GSE1: variants seen among roughly 807,000 people sequenced by gnomAD.
GSE1 encodes genetic suppressor element 1.
GSE1 carries 32 observed loss-of-function variants against 112.6 expected under a neutral mutation model. The observed-to-expected ratio is 0.28, with a 90% confidence interval of 0.21 to 0.38. GSE1 has a LOEUF of 0.38. GSE1 is among the 10% of genes least tolerant of loss of function. GSE1 has a pLI of 1.00. For synonymous variants in GSE1, 1,115 were observed against 735.6 expected (o/e 1.52, Z -8.35); for missense variants, 2,348 against 1,699.2 (o/e 1.38, Z -6.71).
intron 2 of GSE1, among the ~76,000 whole-genome samples, chr16:85,460,775 C>T (rs1407655332): frequency 9.3e-5 from 14 of 150,676 alleles, no homozygotes; most frequent in African/African-American, 3.2e-4. Flanking sequence ...GGCCAAAGAA[C>T]GTCCCATAAC....
At chr16:85,659,120 G>T (rs116237630) in intron 8 of GSE1, among the ~76,000 whole-genome samples, 1,887 of 152,292 alleles carry the variant, frequency 0.012, 42 homozygotes, top group African/African-American at 0.044. Context: ...GCTTCTTCCT[G>T]TGGTTCCCTG....
At chr16:85,309,539 A>G (rs2045774281) in intron 1 of GSE1, among the ~76,000 whole-genome samples, 1 of 151,660 alleles carries the variant, frequency 6.6e-6, no homozygotes, top group South Asian at 2.1e-4. Flanking sequence ...ACCGGGTGAG[A>G]TTAATTTTGA....
chr16:85,251,119 G>A (rs1906427189), intron 1 of GSE1, among the ~76,000 whole-genome samples: 1 of 152,216 alleles, frequency 6.6e-6, no homozygotes, highest in South Asian at 2.1e-4. Flanking sequence ...CCGGCTGTGA[G>A]CATGCCTGTG....
intron 2 of GSE1, among the ~76,000 whole-genome samples, chr16:85,386,602 G>T (rs1308277163): frequency 6.6e-6 from 1 of 152,204 alleles, no homozygotes; most frequent in Non-Finnish European, 1.5e-5. Flanking sequence ...TGTGTCGGCT[G>T]TGTGGCCTGG....
At chr16:85,332,949 G>A (rs1191233795) in intron 1 of GSE1, among the ~76,000 whole-genome samples, 1 of 152,042 alleles carries the variant, frequency 6.6e-6, no homozygotes, top group Non-Finnish European at 1.5e-5. Context: ...GTCTACACCA[G>A]CTTCTCAGAC....
chr16:85,301,711 C>T (rs2045531932), intron 1 of GSE1, among the ~76,000 whole-genome samples: 1 of 152,188 alleles, frequency 6.6e-6, no homozygotes, highest in Non-Finnish European at 1.5e-5. Flanking sequence ...ACCCTGTCTC[C>T]CTGGGTCCCC....
At chr16:85,253,674 C>T (rs1906757855) in intron 1 of GSE1, among the ~76,000 whole-genome samples, 1 of 152,232 alleles carries the variant, frequency 6.6e-6, no homozygotes, top group Non-Finnish European at 1.5e-5. Flanking sequence ...CGCCCAGCCT[C>T]CTTCCTGGAA....
At chr16:85,587,007 GC>G (rs2046730435) in intron 1 of GSE1, among the ~76,000 whole-genome samples, 1 of 152,198 alleles carries the variant, frequency 6.6e-6, no homozygotes. Context: ...GCTGTTCCTT[GC>G]TAGGCTCGCA....
intron 2 of GSE1, among the ~76,000 whole-genome samples, chr16:85,539,056 C>A (rs9933468): frequency 6.6e-6 from 1 of 152,096 alleles, no homozygotes; most frequent in Admixed American, 6.5e-5. Context: ...CGGGGCATGG[C>A]TCACCTTCCC....
intron 1 of GSE1, among the ~76,000 whole-genome samples, chr16:85,572,511 C>T (rs1030755062): frequency 2.6e-5 from 4 of 151,702 alleles, no homozygotes; most frequent in African/African-American, 9.7e-5. Flanking sequence ...ACCACACACA[C>T]CACACACACA....
chr16:85,427,811 G>A (rs1306924692), intron 2 of GSE1, among the ~76,000 whole-genome samples: 2 of 152,232 alleles, frequency 1.3e-5, no homozygotes, highest in Non-Finnish European at 2.9e-5. Flanking sequence ...CAGCCTGGGC[G>A]ACAGAGCAAG....
intron 2 of GSE1, among the ~76,000 whole-genome samples, chr16:85,403,436 C>G (rs1376215026): frequency 6.6e-6 from 1 of 152,040 alleles, no homozygotes; most frequent in East Asian, 1.9e-4. Context: ...GAATGAGGGT[C>G]TCTTGGTTGG....
At chr16:85,227,714 G>A (rs1204983753) in intron 1 of GSE1, among the ~76,000 whole-genome samples, 1 of 152,194 alleles carries the variant, frequency 6.6e-6, no homozygotes, top group East Asian at 1.9e-4. Flanking sequence ...ATTCATTTCA[G>A]GGCAGCCGCA....
chr16:85,550,103 G>A (rs1479732857), intron 2 of GSE1, among the ~76,000 whole-genome samples: 1 of 152,218 alleles, frequency 6.6e-6, no homozygotes, highest in Non-Finnish European at 1.5e-5. Flanking sequence ...GAGTGCAGGG[G>A]TGATTCGCCT....
chr16:85,673,194 C>A lies in GSE1; in HGVS notation c.*655C>A, dbSNP rs992875007. 2 of 152,460 alleles carry A rather than the reference C, an allele frequency of 1.3e-5. No homozygotes were observed. The highest frequency in any genetic ancestry group is 4.8e-5 in the African/African-American group (2 of 41,396). 9.4% of individuals were successfully genotyped at this position (152,460 alleles called of 1,614,324 possible). A position where few individuals can be genotyped will look rare whatever the true frequency, so the allele number is the denominator to read the frequency against. On this transcript the variant is annotated 3_prime_UTR_variant, in exon 16 of 16. Transcript: ENST00000253458. ...AAACTGAAGGTAGCTTTTTATTACT[C>A]CGTGGGGAGCATGTACAGAGCTCTG...
chr16:85,470,412 G>C (rs535567311), intron 2 of GSE1, among the ~76,000 whole-genome samples: 1 of 147,296 alleles, frequency 6.8e-6, no homozygotes, highest in Non-Finnish European at 1.5e-5. Context: ...CCGAGGCCCC[G>C]GACGCAGAGC....
chr16:85,491,562 C>T (rs2051011308), intron 2 of GSE1, among the ~76,000 whole-genome samples: 1 of 152,100 alleles, frequency 6.6e-6, no homozygotes. Context: ...GGAGGCCTGG[C>T]CTGTGGGCAA....
At chr16:85,505,810 G>C (rs1193772513) in intron 2 of GSE1, among the ~76,000 whole-genome samples, 4 of 152,054 alleles carry the variant, frequency 2.6e-5, no homozygotes, top group Admixed American at 2.6e-4. Flanking sequence ...AGACCAGCTT[G>C]GGCAACATAG....
chr16:85,489,281 G>T (rs1239500658), intron 2 of GSE1, among the ~76,000 whole-genome samples: 1 of 151,842 alleles, frequency 6.6e-6, no homozygotes. Context: ...TGGATGGGCT[G>T]TTGAGCCGGG....
Sources: gnomAD v4.1 joint callset for allele counts (sites outside exome capture counted in the v4.1 genomes callset) on GRCh38, gnomAD v4.1.1 for gene constraint, MANE v1.5 for transcripts, NCBI Gene and HGNC (gene_info 2026-07-23, HGNC 2026-07-21) for gene names.